FAM241B: variants seen among roughly 807,000 people sequenced by gnomAD.
FAM241B encodes the protein family with sequence similarity 241 member B, also known as protein FAM241B.
In FAM241B, 7 loss-of-function variants were observed where a neutral mutation model predicts 9.3. The observed-to-expected ratio is 0.75, with a 90% CI of 0.43 to 1.41. FAM241B has a LOEUF of 1.41. Ranked by LOEUF, FAM241B falls within the 40% of genes most tolerant of loss-of-function variation. The probability of loss-of-function intolerance (pLI) is 0.01; values close to 1 mark genes in which losing one functional copy is unlikely to be tolerated. For synonymous variants in FAM241B, 60 were observed against 64.1 expected (o/e 0.94, Z 0.31); for missense variants, 136 against 159.6 (o/e 0.85, Z 0.80).
Position 69,633,106 on chromosome 10 carries a change from G to A in FAM241B, c.*47G>A. 6.2e-7 allele frequency: 1 copy of A among 1,604,480 alleles called. No individual in the cohort carries two copies. The highest frequency in any genetic ancestry group is 8.5e-7 in the Non-Finnish European group (1 of 1,175,188). On this transcript the variant is annotated 3_prime_UTR_variant, in exon 4 of 4. Transcript: ENST00000373279. ...GGGTTTGTTGAGAGGGACTTGCTGG[G>A]CCTTGGTGTGAGAGCAGGCATATTT... is the stretch of plus-strand genomic sequence containing the variant.
At chr10:69,630,814 C>T (rs1441547220) in intron 1 of FAM241B, among the ~76,000 whole-genome samples, 1 of 152,210 alleles carries the variant, frequency 6.6e-6, no homozygotes, top group African/African-American at 2.4e-5. Flanking sequence ...GAAGGCTGGG[C>T]CCTGCGCCCG....
At chr10:69,630,694 A>G in intron 1 of FAM241B, 1 of 1,291,892 alleles carries the variant, frequency 7.7e-7, no homozygotes, top group South Asian at 1.3e-5. Flanking sequence ...CCTGAGAATG[A>G]ATGGCCTTTA....
In FAM241B at chr10:69,630,823, C is replaced by G. The variant is rs769260192; in HGVS notation, c.-104+510C>G. On this transcript the variant is annotated intron_variant, in intron 1 of 3. Coordinates refer to ENST00000373279, the MANE Select transcript of FAM241B (RefSeq NM_145306.3). ...TTTTGGGAAGGCTGGGCCCTGCGCC[C>G]GTTAGCCAAGGTTGGACTGGTGTTC... is the stretch of plus-strand genomic sequence containing the variant. 6.6e-5 allele frequency among the ~76,000 whole-genome samples: 10 copies of G among 152,316 alleles called. No homozygotes were observed. In the East Asian group the frequency reaches 1.7e-3, roughly 27 times the overall value.
chr10:69,630,515 TGC>T (rs1176397420), intron 1 of FAM241B: 3 of 684,910 alleles, frequency 4.4e-6, no homozygotes, highest in East Asian at 2.3e-4. Flanking sequence ...ACAAAGGGAC[TGC>T]GCGCGACCAC....
At chr10:69,631,641 T>G in intron 2 of FAM241B, 68 bp from the exon 3 acceptor site, 2 of 1,555,820 alleles carry the variant, frequency 1.3e-6, no homozygotes, top group Non-Finnish European at 1.7e-6. Flanking sequence ...GCTAAAGGTT[T>G]TGTGGTGGGG....
At chr10:69,631,612 T>G in intron 2 of FAM241B, 65 bp downstream of exon 2, 1 of 1,549,286 alleles carries the variant, frequency 6.5e-7, no homozygotes, top group South Asian at 1.2e-5. Context: ...TTCACGAGTC[T>G]GGTCCCAGAT....
At chr10:69,631,662 T>C in intron 2 of FAM241B, 47 bp from the exon 3 acceptor site, 1 of 1,567,636 alleles carries the variant, frequency 6.4e-7, no homozygotes, top group Non-Finnish European at 8.7e-7. Context: ...AGAACTTCTG[T>C]GCCACTTGGC....
Position 69,632,775 on chromosome 10 carries a change from G to A in FAM241B, c.97-15G>A, listed in dbSNP as rs777987761. On this transcript the variant is annotated splice_polypyrimidine_tract_variant and intron_variant, in intron 3 of 3. Transcript: ENST00000373279. ...CCCAATGATTCATTCATCTCTCTCT[G>A]TCTTCACATTCCAGAGCTTCTTCAA... The A allele has an allele frequency of 1.2e-6, 2 of 1,609,982 alleles. No individual in the cohort carries two copies. Among genetic ancestry groups the A allele is most frequent in the African/African-American group, 2.7e-5 (2 of 74,856 alleles).
rs1839823561 is a variant in FAM241B at position 69,631,715 on chromosome 10, C to G, written c.-29C>G. ...CCCTGACCACACAATGCAGGTGCAG[C>G]CCATCAGGGACCCACAGCGCCTGGG... On this transcript the variant is annotated 5_prime_UTR_variant, in exon 3 of 4. Transcript: ENST00000373279. 1 of 1,607,320 alleles carries G rather than the reference C, an allele frequency of 6.2e-7. No individual in the cohort carries two copies. Among genetic ancestry groups the G allele is most frequent in the Non-Finnish European group, 8.5e-7 (1 of 1,177,492 alleles).
At position 69,630,313 on chromosome 10, in the gene FAM241B, G is replaced by A. The variant is rs1200534306; in HGVS notation, c.-104G>A. On this transcript the variant is annotated splice_region_variant and 5_prime_UTR_variant, in exon 1 of 4. Coordinates refer to ENST00000373279, the MANE Select transcript of FAM241B (RefSeq NM_145306.3). ...GCCGAGGCCCGGAGTCGCGCCTGCA[G>A]GTGAGTCGCCGCGCCGGGGAGGGAG... 1 of 152,790 alleles carries A rather than the reference G, an allele frequency of 6.5e-6. No individual in the cohort carries two copies. The highest frequency in any genetic ancestry group is 2.4e-5 in the African/African-American group (1 of 41,452). The allele number at this position is 152,790 out of a possible 1,614,324, so 9.5% of individuals were successfully genotyped here. A position where few individuals can be genotyped will look rare whatever the true frequency, so the allele number is the denominator to read the frequency against.
In FAM241B at chr10:69,631,499, T is replaced by G. The variant is rs1324843009; in HGVS notation, c.-84T>G. On this transcript the variant is annotated 5_prime_UTR_variant, in exon 2 of 4. Transcript: ENST00000373279. ...AATCAGACACAGCATCTACTCAGCG[T>G]GGGTCACCTCTGTGAACATCACTGA... 8 of 1,532,784 alleles carry G rather than the reference T, an allele frequency of 5.2e-6. No individual in the cohort carries two copies. Among genetic ancestry groups the G allele is most frequent in the Non-Finnish European group, 7.0e-6 (8 of 1,135,604 alleles). The allele number at this position is 1,532,784 out of a possible 1,614,324, so 94.9% of individuals were successfully genotyped here. A position where few individuals can be genotyped will look rare whatever the true frequency, so the allele number is the denominator to read the frequency against.
intron 3 of FAM241B, among the ~76,000 whole-genome samples, chr10:69,632,457 CAAAAAAAAAA>C (rs58019486): frequency 1.8e-5 from 2 of 109,044 alleles, no homozygotes; most frequent in South Asian, 3.0e-4. Context: ...GACTCCGTCT[CAAAAAAAAAA>C]AAAAAAAAAA....
chr10:69,631,789 C>A lies in FAM241B; in HGVS notation c.46C>A (p.Pro16Thr), dbSNP rs749322086. 7 of 1,613,164 alleles carry A rather than the reference C, an allele frequency of 4.3e-6. No individual in the cohort carries two copies. The highest frequency in any genetic ancestry group is 1.6e-4 in the Middle Eastern group (1 of 6,082). Reference sequence around the variant, plus strand: ...TGGGGAAATCGTGCAGGATGACGACCCCCGAGTGAGGACCACTACCCAGCC... The same window carrying A: ...TGGGGAAATCGTGCAGGATGACGACACCCGAGTGAGGACCACTACCCAGCC... ...ANGEIVQDDD[P>T]RVRTTTQPPR... The change falls in exon 3 of 4, where the codon CCC becomes ACC. Residue 16 changes from proline (P) to threonine (T), a missense_variant. Transcript: ENST00000373279.
At chr10:69,632,765 ATCTC>A (rs769944524) in intron 3 of FAM241B, 21 bp from the exon 4 acceptor site, 3 of 1,605,450 alleles carry the variant, frequency 1.9e-6, no homozygotes, top group Non-Finnish European at 2.6e-6. Flanking sequence ...TGATTCATTC[ATCTC>A]TCTCTGTCTT....
Position 69,631,773 on chromosome 10 carries a change from C to A in FAM241B, c.30C>A (p.Ile10=), listed in dbSNP as rs987987830. ...TGCGGATCTTGGCCAATGGGGAAAT[C>A]GTGCAGGATGACGACCCCCGAGTGA... The part of the protein sequence containing the change: MVRILANGE[I]VQDDDPRVRT... Residue 10 remains isoleucine, a synonymous_variant, in exon 3 of 4, where the codon ATC becomes ATA. Coordinates refer to ENST00000373279, the MANE Select transcript of FAM241B (RefSeq NM_145306.3). The A allele has an allele frequency of 1.2e-6, 2 of 1,613,268 alleles. No individual in the cohort carries two copies. Among genetic ancestry groups the A allele is most frequent in the South Asian group, 2.2e-5 (2 of 90,612 alleles).
chr10:69,631,900 C>G, intron 3 of FAM241B, 61 bp downstream of exon 3: 1 of 1,557,140 alleles, frequency 6.4e-7, no homozygotes, highest in Non-Finnish European at 8.7e-7. Flanking sequence ...CTACTCCTAG[C>G]TTCCAGAAGT....
intron 3 of FAM241B, 148 bp downstream of exon 3, chr10:69,631,987 G>A (rs1839833456): frequency 1.3e-6 from 1 of 752,196 alleles, no homozygotes; most frequent in East Asian, 3.3e-5. Context: ...GTGGCTTATT[G>A]TCTACCTCCC....
intron 3 of FAM241B, 111 bp downstream of exon 3, chr10:69,631,950 T>A: frequency 2.5e-6 from 2 of 806,224 alleles, no homozygotes; most frequent in Non-Finnish European, 3.5e-6. Context: ...CCTGAAGCCC[T>A]CTTTGCAGAG....
intron 3 of FAM241B, 70 bp from the exon 4 acceptor site, chr10:69,632,720 A>G (rs2133258064): frequency 6.5e-7 from 1 of 1,538,598 alleles, no homozygotes; most frequent in East Asian, 2.3e-5. Context: ...GATGCAGCCT[A>G]GAGAGGTTGA....
Sources: allele counts gnomAD v4.1 joint callset (sites outside exome capture counted in the v4.1 genomes callset), GRCh38; gene constraint gnomAD v4.1.1; transcripts MANE v1.5; gene names NCBI Gene and HGNC (gene_info 2026-07-23, HGNC 2026-07-21).